The following RAD54B variants were observed in gnomAD, a reference collection of about 807,000 sequenced individuals.
RAD54B encodes the protein RAD54 homolog B, also known as DNA repair and recombination protein RAD54B.
Under a neutral mutation model 95.8 loss-of-function variants are expected in RAD54B, and 78 were observed. The ratio of observed to expected loss-of-function variants is 0.81; its 90% CI spans 0.68 to 0.98. RAD54B has a LOEUF of 0.98. RAD54B is among the 50% of genes least tolerant of loss of function. RAD54B has a pLI of 0.00. For missense variants in RAD54B, 957 were observed against 1,056.6 expected (o/e 0.91, Z 1.31); for synonymous variants, 328 against 354.9 (o/e 0.92, Z 0.85).
At chr8:94,393,915 G>A in intron 8 of RAD54B, 33 bp from the exon 9 acceptor site, 3 of 1,542,598 alleles carry the variant, frequency 1.9e-6, no homozygotes, top group Non-Finnish European at 2.6e-6. Flanking sequence ...AAAAGGTCAA[G>A]TTTGTGTTTT....
chr8:94,473,293 C>G (rs1813212048), intron 1 of RAD54B, among the ~76,000 whole-genome samples: 1 of 152,196 alleles, frequency 6.6e-6, no homozygotes, highest in Non-Finnish European at 1.5e-5. Flanking sequence ...TAAGGCCAAG[C>G]TGACAACTGT....
chr8:94,469,311 G>A (rs1011400029), intron 1 of RAD54B, among the ~76,000 whole-genome samples: 10 of 152,112 alleles, frequency 6.6e-5, no homozygotes, highest in Admixed American at 5.9e-4. Context: ...TAAGTCTCAC[G>A]AGATCCGATG....
At chr8:94,455,941 T>C (rs1354701282) in intron 3 of RAD54B, among the ~76,000 whole-genome samples, 1 of 152,216 alleles carries the variant, frequency 6.6e-6, no homozygotes, top group Non-Finnish European at 1.5e-5. Context: ...TAAGTTCACA[T>C]TCATAGGTAC....
chr8:94,431,162 T>C (rs777100915), intron 3 of RAD54B: 3 of 915,710 alleles, frequency 3.3e-6, no homozygotes, highest in South Asian at 5.0e-5. Flanking sequence ...ATTGAGGTTT[T>C]ATTTCCATGA....
chr8:94,437,919 C>T (rs1812306697), intron 3 of RAD54B, among the ~76,000 whole-genome samples: 1 of 152,036 alleles, frequency 6.6e-6, no homozygotes, highest in Non-Finnish European at 1.5e-5. Flanking sequence ...GCAAGACAAA[C>T]CTATTTTCTC....
intron 1 of RAD54B, among the ~76,000 whole-genome samples, chr8:94,469,100 GT>G (rs200717806): frequency 0.12 from 17,495 of 140,742 alleles, 1,887 homozygotes; most frequent in East Asian, 0.33. Context: ...CCCATCTCTT[GT>G]TTTTTTTTTT....
chr8:94,373,622 A>G (rs1810493503), intron 14 of RAD54B, among the ~76,000 whole-genome samples: 1 of 152,192 alleles, frequency 6.6e-6, no homozygotes, highest in South Asian at 2.1e-4. Context: ...AAATGCCCAC[A>G]ATGACCTGTT....
rs973032998 is a variant in RAD54B, at chr8:94,380,092, C to G, written c.2247+53G>C. The G allele has an allele frequency of 5.3e-6, 8 of 1,507,062 alleles. No homozygotes were observed. The African/African-American group carries it at 5.6e-5, about 10-fold the overall frequency. 93.4% of individuals were successfully genotyped at this position (1,507,062 alleles called of 1,614,324 possible). A position where few individuals can be genotyped will look rare whatever the true frequency, so the allele number is the denominator to read the frequency against. On this transcript the variant is annotated intron_variant, in intron 12 of 14. Coordinates refer to ENST00000336148, the MANE Select transcript of RAD54B (RefSeq NM_012415.3). ...TCATTATCTTTGTATCCTCAATAGG[C>G]ATTGTATCCTCAGGCATTCAATAAT...
intron 3 of RAD54B, among the ~76,000 whole-genome samples, chr8:94,451,380 T>C (rs1169733054): frequency 1.3e-5 from 2 of 152,090 alleles, no homozygotes; most frequent in African/African-American, 4.8e-5. Context: ...TAAAAATTAA[T>C]TAACAAATAA....
intron 3 of RAD54B, among the ~76,000 whole-genome samples, chr8:94,420,252 T>TG (rs1491178760): frequency 1.5e-5 from 1 of 67,190 alleles, no homozygotes; most frequent in Non-Finnish European, 2.7e-5. Context: ...GAAAACTTGA[T>TG]TTTTTTTTTT....
chr8:94,410,178 C>T (rs1170139878), intron 4 of RAD54B, among the ~76,000 whole-genome samples: 1 of 152,126 alleles, frequency 6.6e-6, no homozygotes, highest in Non-Finnish European at 1.5e-5. Context: ...CTATAACCTC[C>T]AAAACTATTC....
At position 94,380,240 on chromosome 8, in the gene RAD54B, A is replaced by C. The variant is rs768818746; in HGVS notation, c.2152T>G (p.Leu718Val). 6.2e-7 allele frequency: 1 copy of C among 1,613,958 alleles called. No individual in the cohort carries two copies. Among genetic ancestry groups the C allele is most frequent in the Admixed American group, 1.7e-5 (1 of 60,026 alleles). The change falls in exon 12 of 15, where the codon TTA (leucine) becomes GTA (valine). Residue 718 changes from leucine (L) to valine (V), a missense_variant. Leu to Val is a conservative substitution (Grantham distance 32). Transcript: ENST00000336148. ...CCTACACCACCAGCTTTTGAACTTA[A>C]CAAAAAAATAAAAAAAGAAGAGTGT... is the stretch of plus-strand genomic sequence containing the variant. The part of the protein sequence containing the change: ...SQHSSFFIFL[L>V]SSKAGGVGLN...
intron 6 of RAD54B, among the ~76,000 whole-genome samples, chr8:94,403,621 G>A (rs760838503): frequency 1.5e-4 from 23 of 151,432 alleles, no homozygotes; most frequent in Non-Finnish European, 2.8e-4. Context: ...AGATTGCAGT[G>A]AGCCAAGATA....
At chr8:94,393,142 G>A (rs1167302248) in intron 9 of RAD54B, among the ~76,000 whole-genome samples, 1 of 151,980 alleles carries the variant, frequency 6.6e-6, no homozygotes, top group Non-Finnish European at 1.5e-5. Context: ...TTAAATAAAT[G>A]TACTTTTTTT....
chr8:94,393,774 A>G lies in RAD54B; in HGVS notation c.1487T>C (p.Ile496Thr), dbSNP rs1811076503. The G allele has an allele frequency of 6.3e-7, 1 of 1,585,460 alleles. No individual in the cohort carries two copies. Among genetic ancestry groups the G allele is most frequent in the Non-Finnish European group, 8.6e-7 (1 of 1,156,182 alleles). ...SSYRKIYEEP[I>T]ILSREPSASE... The stretch of plus-strand genomic sequence containing the variant: ...AGCAGAAGGTTCTCTCGATAAAATG[A>G]TGGGTTCTTCATATATTTTCCTATA... Residue 496 changes from isoleucine to threonine, a missense_variant, in exon 9 of 15, where the codon ATC (isoleucine) becomes ACC (threonine). By Grantham distance (89) the Ile-to-Thr change is moderately conservative. Coordinates refer to ENST00000336148, the MANE Select transcript of RAD54B (RefSeq NM_012415.3).
chr8:94,470,338 C>T (rs1813139557), intron 1 of RAD54B, among the ~76,000 whole-genome samples: 1 of 152,150 alleles, frequency 6.6e-6, no homozygotes, highest in African/African-American at 2.4e-5. Flanking sequence ...GTGGCTCACA[C>T]CTGTAATCCC....
intron 2 of RAD54B, among the ~76,000 whole-genome samples, chr8:94,460,723 T>C (rs1385794676): frequency 6.6e-6 from 1 of 152,178 alleles, no homozygotes; most frequent in African/African-American, 2.4e-5. Context: ...CAGGGCTGAG[T>C]TCCTTTCTGG....
intron 3 of RAD54B, among the ~76,000 whole-genome samples, chr8:94,447,117 A>G (rs1221288654): frequency 2.6e-5 from 4 of 152,216 alleles, no homozygotes; most frequent in African/African-American, 9.6e-5. Flanking sequence ...GATGTTAAGC[A>G]GTTAAGACAA....
At chr8:94,432,212 C>G in intron 3 of RAD54B, 1 of 1,550,304 alleles carries the variant, frequency 6.5e-7, no homozygotes, top group Non-Finnish European at 8.7e-7. Flanking sequence ...CTCTTAGTAG[C>G]TCTTCCTCTA....
Sources: allele counts gnomAD v4.1 joint callset (sites outside exome capture counted in the v4.1 genomes callset), GRCh38; gene constraint gnomAD v4.1.1; transcripts MANE v1.5; gene names NCBI Gene and HGNC (gene_info 2026-07-23, HGNC 2026-07-21).